Variants in MEI1 observed in about 807,000 individuals in gnomAD.
MEI1 encodes the protein meiosis inhibitor protein 1.
MEI1 carries 103 observed loss-of-function variants against 146.2 expected under a neutral mutation model. The ratio of observed to expected loss-of-function variants is 0.70; its 90% CI spans 0.60 to 0.83. The LOEUF is 0.83. Among genes scored for constraint, MEI1 ranks in the 40% least tolerant of loss-of-function variants. The probability of loss-of-function intolerance (pLI) is 0.00; values close to 1 mark genes in which losing one functional copy is unlikely to be tolerated. For missense variants in MEI1, 1,529 were observed against 1,533.0 expected (o/e 1.00, Z 0.04); for synonymous variants, 652 against 628.2 (o/e 1.04, Z -0.57).
rs6147630 is a variant in MEI1 at position 41,716,355 on chromosome 22, C to CTTTTT, written c.529+243_529+247dup. 2.3e-3 allele frequency among the ~76,000 whole-genome samples: 267 copies of CTTTTT among 118,526 alleles called. 23 individuals carry two copies. The highest frequency in any genetic ancestry group is 3.3e-3 in the Non-Finnish European group (193 of 58,658). The allele number at this position is 118,526 out of a possible 152,430, so 77.8% of individuals were successfully genotyped here. A position where few individuals can be genotyped will look rare whatever the true frequency, so the allele number is the denominator to read the frequency against. ...TATTCTTGGACTATTTCCATTCATTCTTTTTTTTTTTTTTTTTTTTTTTTT... is the reference window on the plus strand; with the variant it reads ...TATTCTTGGACTATTTCCATTCATTCTTTTTTTTTTTTTTTTTTTTTTTTTTTTTT... On this transcript the variant is annotated intron_variant, in intron 5 of 30. Transcript: ENST00000401548.
intron 3 of MEI1, among the ~76,000 whole-genome samples, chr22:41,705,970 A>G (rs1012458444): frequency 2.0e-5 from 3 of 151,634 alleles, no homozygotes; most frequent in African/African-American, 7.3e-5. Context: ...AGCCTCCCAA[A>G]GTGCTGGGAT....
At chr22:41,779,626 T>C (rs1342297102) in intron 22 of MEI1, among the ~76,000 whole-genome samples, 1 of 152,190 alleles carries the variant, frequency 6.6e-6, no homozygotes, top group Admixed American at 6.5e-5. Flanking sequence ...CTTATCTAGT[T>C]GTTAAGATAA....
At chr22:41,756,635 G>GC (rs1391285569) in intron 17 of MEI1, among the ~76,000 whole-genome samples, 1 of 151,554 alleles carries the variant, frequency 6.6e-6, no homozygotes, top group Non-Finnish European at 1.5e-5. Context: ...CACCACGCTT[G>GC]TCTAATTTTT....
chr22:41,795,097 G>A lies in MEI1; in HGVS notation c.3535-314G>A, dbSNP rs1314472170. On this transcript the variant is annotated intron_variant, in intron 28 of 30. Coordinates refer to ENST00000401548, the MANE Select transcript of MEI1 (RefSeq NM_152513.4). The surrounding 1 kb of genome is among the most constrained non-coding windows in gnomAD (Gnocchi z 4.2). ...TGAAGTACAAACAACAGGTACAAGAGCACATGGTGGTATGTCAGGGGAGCC... is the reference window on the plus strand; with the variant it reads ...TGAAGTACAAACAACAGGTACAAGAACACATGGTGGTATGTCAGGGGAGCC... Among the ~76,000 whole-genome samples the A allele has an allele frequency of 6.6e-6, 1 of 152,202 alleles. No homozygotes were observed. Among genetic ancestry groups the A allele is most frequent in the African/African-American group, 2.4e-5 (1 of 41,440 alleles).
At chr22:41,764,207 G>A (rs200662526) in intron 19 of MEI1, among the ~76,000 whole-genome samples, 3 of 152,074 alleles carry the variant, frequency 2.0e-5, no homozygotes, top group Non-Finnish European at 4.4e-5. Flanking sequence ...TGATCTGCCC[G>A]CCTCGGCCTC....
intron 7 of MEI1, among the ~76,000 whole-genome samples, chr22:41,728,053 A>T (rs2071522752): frequency 6.6e-6 from 1 of 152,142 alleles, no homozygotes; most frequent in African/African-American, 2.4e-5. Context: ...ACATATACTC[A>T]AGTCCTACAG....
At chr22:41,787,472 A>T (rs985541667) in intron 26 of MEI1, among the ~76,000 whole-genome samples, 1 of 152,148 alleles carries the variant, frequency 6.6e-6, no homozygotes, top group Non-Finnish European at 1.5e-5. Context: ...GGCGGGAAAA[A>T]CTGTGTTTGC....
At chr22:41,712,200 G>A (rs1171443161) in intron 3 of MEI1, among the ~76,000 whole-genome samples, 1 of 1,054 alleles carries the variant, frequency 9.5e-4, no homozygotes, top group Non-Finnish European at 1.8e-3. Context: ...GTAAAACTCC[G>A]GCTCAAAAAA....
intron 15 of MEI1, 89 bp downstream of exon 15, chr22:41,748,307 G>C: frequency 1.2e-6 from 1 of 846,348 alleles, no homozygotes; most frequent in East Asian, 2.5e-5. Context: ...TAAGTTGTGG[G>C]TGCACATTTA....
rs1479345360 is a variant in MEI1, at chr22:41,784,648, C to T, written c.3210C>T (p.Ser1070=). The T allele has an allele frequency of 6.2e-7, 1 of 1,613,528 alleles. No homozygotes were observed. The highest frequency in any genetic ancestry group is 8.5e-7 in the Non-Finnish European group (1 of 1,179,886). The change falls in exon 26 of 31, where the codon AGC becomes AGT. Residue 1070 remains serine, a synonymous_variant. Transcript: ENST00000401548. ...LCFLRTALRQ[S]FSSALVALVP... is the part of the protein sequence containing the mutation. ...TCCTGCGGACAGCCCTGCGACAAAG[C>T]TTTTCCTCTGCCCTGGTAGCCCTGG...
At chr22:41,731,178 C>T (rs1293350320) in intron 9 of MEI1, among the ~76,000 whole-genome samples, 2 of 151,648 alleles carry the variant, frequency 1.3e-5, no homozygotes, top group Admixed American at 6.6e-5. Flanking sequence ...CTCAGCCTCC[C>T]GAGTAACTGG....
At chr22:41,724,120 C>A in intron 7 of MEI1, 47 bp downstream of exon 7, 1 of 1,606,840 alleles carries the variant, frequency 6.2e-7, no homozygotes, top group South Asian at 1.1e-5. Context: ...AACAAGGGGA[C>A]CCAAGTGCTT....
At chr22:41,730,707 A>G (rs1036668804) in intron 9 of MEI1, 70 bp downstream of exon 9, 15 of 958,518 alleles carry the variant, frequency 1.6e-5, no homozygotes, top group Non-Finnish European at 2.5e-5. Flanking sequence ...TAGCAGCCGC[A>G]GTGATGGGGG....
intron 12 of MEI1, among the ~76,000 whole-genome samples, chr22:41,743,529 A>G (rs183471585): frequency 1.3e-5 from 2 of 152,344 alleles, no homozygotes; most frequent in Admixed American, 6.5e-5. Flanking sequence ...ATAAGCAGAT[A>G]GGGTAAACAT....
intron 19 of MEI1, among the ~76,000 whole-genome samples, chr22:41,767,400 C>T (rs1340357805): frequency 2.6e-5 from 4 of 152,116 alleles, no homozygotes; most frequent in Non-Finnish European, 5.9e-5. Flanking sequence ...TCTCTGAGAT[C>T]CTTTCTGATT....
At chr22:41,722,171 C>G (rs1006783265) in intron 6 of MEI1, 2 of 151,972 alleles carry the variant, frequency 1.3e-5, no homozygotes, top group Non-Finnish European at 2.9e-5. Context: ...CCTTCCCACC[C>G]TCTCCCCTCA....
rs1419167156 is a variant in MEI1 at position 41,778,791 on chromosome 22, G to A, written c.2794G>A (p.Ala932Thr). The A allele has an allele frequency of 3.1e-6, 5 of 1,605,656 alleles. No homozygotes were observed. The highest frequency in any genetic ancestry group is 1.1e-5 in the South Asian group (1 of 89,110). Reference protein sequence around the residue: ...NVSEQELDSVAMKLLHQVSKL... With the variant: ...NVSEQELDSVTMKLLHQVSKL... The stretch of plus-strand genomic sequence containing the variant: ...GTCAGAGCAAGAACTGGACAGCGTG[G>A]CCATGAAGCTCCTTCACCAAGGTGC... Residue 932 changes from alanine (A) to threonine (T), a missense_variant, in exon 22 of 31, where the codon GCC becomes ACC. Around this residue, in one of 3 missense-constraint regions of MEI1, gnomAD observed 1,212 missense variants for 1,178.9 expected, o/e 1.03. Transcript: ENST00000401548.
chr22:41,767,696 T>A (rs760839414), intron 19 of MEI1: 1 of 437,600 alleles, frequency 2.3e-6, no homozygotes, highest in Non-Finnish European at 4.7e-6. Context: ...CCACTTGACA[T>A]GAGCTAGGTA....
intron 22 of MEI1, among the ~76,000 whole-genome samples, chr22:41,779,588 T>A (rs1296669548): frequency 6.6e-6 from 1 of 152,202 alleles, no homozygotes; most frequent in South Asian, 2.1e-4. Flanking sequence ...AGTAGTACTT[T>A]CCTAAACTAG....
Sources: allele counts gnomAD v4.1 joint callset (sites outside exome capture counted in the v4.1 genomes callset), GRCh38; gene constraint gnomAD v4.1.1; regional missense constraint gnomAD v4.1.1; non-coding constraint Gnocchi (gnomAD v3.1); transcripts MANE v1.5; gene names NCBI Gene and HGNC (gene_info 2026-07-23, HGNC 2026-07-21).